Variants in MAN2C1 observed in about 807,000 individuals in gnomAD.
MAN2C1 encodes mannosidase alpha class 2C member 1.
A neutral mutation model predicts 126.9 loss-of-function variants in MAN2C1; 111 were observed. That is an observed-to-expected ratio of 0.87 (90% CI 0.75 to 1.02). The LOEUF is 1.02. Ranked by LOEUF, MAN2C1 falls within the 50% of genes least tolerant of loss-of-function variation. The pLI is 0.00. For synonymous variants in MAN2C1, 567 were observed against 561.5 expected, an observed-to-expected ratio of 1.01 and a Z score of -0.14; for missense variants, 1,363 against 1,364.4, an observed-to-expected ratio of 1.00 and a Z score of 0.02.
chr15:75,367,628 C>T lies in MAN2C1; in HGVS notation c.234G>A (p.Trp78Ter). 6.2e-7 allele frequency: 1 copy of T among 1,614,148 alleles called. No individual in the cohort carries two copies. Among genetic ancestry groups the T allele is most frequent in the South Asian group, 1.1e-5 (1 of 91,084 alleles). The change falls in exon 3 of 26, where the codon TGG (tryptophan) becomes TGA (stop). Residue 78 changes from tryptophan (W) to a stop codon, truncating the protein, a stop_gained. Coordinates refer to ENST00000267978, the MANE Select transcript of MAN2C1 (RefSeq NM_006715.4). LOFTEE classifies it high-confidence loss of function. The stretch of plus-strand genomic sequence containing the variant: ...TCAGCTCCACCCGGAACCAGCAGGT[C>T]CACCATCTGCAAGAGAGCTGTTGTG... ...QVGDSFGPTW[W>*]TCWFRVELTI...
intron 18 of MAN2C1, 90 bp from the exon 19 acceptor site, chr15:75,358,898 A>C (rs1186393669): frequency 5.1e-6 from 7 of 1,364,738 alleles, no homozygotes; most frequent in South Asian, 3.6e-5. Context: ...GAGTAGACCC[A>C]GTGGACAGGG....
rs757278357 is a variant in MAN2C1 at position 75,358,208 on chromosome 15, C to T, written c.2540G>A (p.Arg847Gln). Reference protein sequence around the residue: ...THYNTSWDWARFEVWAHRWMD... With the variant: ...THYNTSWDWAQFEVWAHRWMD... ...CACCCTGCCATGTCAGACCTCAAAT[C>T]GAGCCCAGTCCCAAGAGGTATTGTA... is the stretch of plus-strand genomic sequence containing the variant. The change falls in exon 21 of 26, where the codon CGA (arginine) becomes CAA (glutamine). Residue 847 changes from arginine (R) to glutamine (Q), a missense_variant. Physicochemically the swap from Arg to Gln is conservative, Grantham distance 43 (BLOSUM62 1). Around this residue, in one of 3 missense-constraint regions of MAN2C1, gnomAD observed 668 missense variants for 650.1 expected, o/e 1.03. Transcript: ENST00000267978. The T allele has an allele frequency of 8.1e-6, 13 of 1,614,022 alleles. No individual in the cohort carries two copies. The highest frequency in any genetic ancestry group is 1.3e-5 in the African/African-American group (1 of 74,930).
In MAN2C1 at chr15:75,366,611, A is replaced by C. The variant is rs745382920; in HGVS notation, c.352-19T>G. 1 of 1,591,326 alleles carries C rather than the reference A, an allele frequency of 6.3e-7. No individual in the cohort carries two copies. The highest frequency in any genetic ancestry group is 2.3e-5 in the East Asian group (1 of 44,338). ...TTAAACCCTAGTAGGGAGGGGAGTG[A>C]GAGAGACAAGGCTTGAGGCTTTTGG... On this transcript the variant is annotated intron_variant, in intron 3 of 25. Coordinates refer to ENST00000267978, the MANE Select transcript of MAN2C1 (RefSeq NM_006715.4).
At chr15:75,368,393 C>T in intron 1 of MAN2C1, 90 bp downstream of exon 1, 10 of 1,445,048 alleles carry the variant, frequency 6.9e-6, no homozygotes, top group Non-Finnish European at 9.4e-6. Flanking sequence ...GTCCCGCGGC[C>T]CGGGTGGCTG....
chr15:75,358,895 C>A, intron 18 of MAN2C1, 87 bp from the exon 19 acceptor site: 3 of 1,380,790 alleles, frequency 2.2e-6, no homozygotes, highest in Non-Finnish European at 3.0e-6. Context: ...AGTGAGTAGA[C>A]CCAGTGGACA....
chr15:75,358,725 A>G lies in MAN2C1; in HGVS notation c.2225T>C (p.Met742Thr), dbSNP rs1486256204. The change falls in exon 19 of 26, where the codon ATG becomes ACG. Residue 742 changes from methionine to threonine, a missense_variant. Met to Thr is a moderately conservative substitution (Grantham distance 81). This residue lies in a region of MAN2C1 where 668 missense variants were observed against 650.1 expected (regional missense o/e 1.03). Coordinates refer to ENST00000267978, the MANE Select transcript of MAN2C1 (RefSeq NM_006715.4). ...ATACCGTGTCTCCAGGTGGTAGTCC[A>G]TGACGTCCCATGCATCCCAGTACAA... ...VPLYWDAWDV[M>T]DYHLETRKPV... is the part of the protein sequence containing the mutation. 3 of 913,126 alleles carry G rather than the reference A, an allele frequency of 3.3e-6. No homozygotes were observed. The highest frequency in any genetic ancestry group is 2.6e-5 in the Admixed American group (1 of 37,766). The allele number at this position is 913,126 out of a possible 1,614,324, so 56.6% of individuals were successfully genotyped here.
At chr15:75,368,226 G>A in intron 1 of MAN2C1, 28 bp from the exon 2 acceptor site, 1 of 1,579,616 alleles carries the variant, frequency 6.3e-7, no homozygotes, top group Non-Finnish European at 8.6e-7. Context: ...GTGGGCACAT[G>A]CTGGAGGCCG....
At chr15:75,357,642 CAG>C (rs1359467127) in intron 21 of MAN2C1, 2 of 122,372 alleles carry the variant, frequency 1.6e-5, no homozygotes, top group African/African-American at 3.2e-5. Flanking sequence ...TTTTTTGAGA[CAG>C]AGTCTCGCTC....
intron 3 of MAN2C1, 151 bp from the exon 4 acceptor site, chr15:75,366,743 T>C (rs760642073): frequency 1.8e-6 from 1 of 566,876 alleles, no homozygotes; most frequent in Non-Finnish European, 3.1e-6. Context: ...TCAGGGACCC[T>C]TGGCAGTAGA....
chr15:75,366,502 A>G lies in MAN2C1; in HGVS notation c.422+20T>C, dbSNP rs1478025965. ...ACTCCCTCCCTGACAGCACTGGTCA[A>G]CCAGGGCACAGGGACTCACCTTCGG... On this transcript the variant is annotated intron_variant, in intron 4 of 25. Transcript: ENST00000267978. 4 of 1,611,064 alleles carry G rather than the reference A, an allele frequency of 2.5e-6. No homozygotes were observed. In the East Asian group the frequency reaches 6.7e-5, roughly 27 times the overall value.
Position 75,359,404 on chromosome 15 carries a change from A to G in MAN2C1, c.1970T>C (p.Met657Thr). The change falls in exon 17 of 26, where the codon ATG becomes ACG. Residue 657 changes from methionine (M) to threonine (T), a missense_variant. Coordinates refer to ENST00000267978, the MANE Select transcript of MAN2C1 (RefSeq NM_006715.4). ...GGGGGGAGGAACAGGAGCATAGCCC[A>G]TGCTGGGCACTGTCACCAGGGCTGG... is the stretch of plus-strand genomic sequence containing the variant. ...HSLALVTVPS[M>T]GYAPVPPPTS... 5 of 1,610,992 alleles carry G rather than the reference A, an allele frequency of 3.1e-6. No homozygotes were observed. In the South Asian group the frequency reaches 4.4e-5, roughly 14 times the overall value.
In MAN2C1 at chr15:75,355,912, T is replaced by C; in HGVS notation, c.3117A>G (p.Pro1039=). The change falls in exon 26 of 26, where the codon CCA becomes CCG. Residue 1039 remains proline, a synonymous_variant. Transcript: ENST00000267978. The part of the protein sequence containing the change: ...LSLLLVLQPP[P]H ...AAACCCCAGCCCCAGGGACTCAGTG[T>C]GGCGGAGGCTGAAGCACGAGCAACA... The C allele has an allele frequency of 6.2e-7, 1 of 1,614,116 alleles. No individual in the cohort carries two copies. The highest frequency in any genetic ancestry group is 8.5e-7 in the Non-Finnish European group (1 of 1,180,024).
Position 75,358,527 on chromosome 15 carries a change from TG to T in MAN2C1, c.2337del (p.Asn780ThrfsTer32). 6.2e-7 allele frequency: 1 copy of T among 1,613,444 alleles called. No homozygotes were observed. Among genetic ancestry groups the T allele is most frequent in the Non-Finnish European group, 8.5e-7 (1 of 1,180,008 alleles). On this transcript the variant is annotated frameshift_variant, in exon 20 of 26. Transcript: ENST00000267978. LOFTEE classifies it high-confidence loss of function. ...GSAWFLLQIS[P>X]NSRLSQEVVL... is the part of the protein sequence containing the mutation. Reference sequence around the variant, plus strand: ...ACAACCTCCTGGCTAAGCCGACTGTTGGGGCTGATCTGTAGCAAGAACCAGG... The same window carrying T: ...ACAACCTCCTGGCTAAGCCGACTGTTGGGCTGATCTGTAGCAAGAACCAGG...
chr15:75,360,738 C>T (rs779395375), intron 12 of MAN2C1, 50 bp from the exon 13 acceptor site: 22 of 1,597,290 alleles, frequency 1.4e-5, no homozygotes, highest in Admixed American at 1.7e-5. Context: ...CCACATGGCT[C>T]ACCCTTCTTC....
At chr15:75,366,042 G>C (rs901230039) in intron 4 of MAN2C1, 3 of 360,016 alleles carry the variant, frequency 8.3e-6, no homozygotes, top group Non-Finnish European at 1.6e-5. Flanking sequence ...AGCTGCGATC[G>C]TGCTACTGTA....
chr15:75,360,501 T>C, intron 13 of MAN2C1, 64 bp downstream of exon 13: 2 of 1,593,252 alleles, frequency 1.3e-6, no homozygotes, highest in African/African-American at 1.3e-5. Flanking sequence ...CCCTGCTGCC[T>C]TCTCTGACCC....
At position 75,361,415 on chromosome 15, in the gene MAN2C1, G is replaced by A. The variant is rs2072466708; in HGVS notation, c.1219-34C>T. 6.6e-7 allele frequency: 1 copy of A among 1,508,046 alleles called. No homozygotes were observed. 93.4% of individuals were successfully genotyped at this position (1,508,046 alleles called of 1,614,324 possible). ...AGGGAAACAGAAGCAGGGCAGAGAG[G>A]CCAGAGTCAGGGCTGAGGCAGAGCC... On this transcript the variant is annotated intron_variant, in intron 10 of 25. Transcript: ENST00000267978. This position sits in a 1 kb window ranked among gnomAD's most constrained non-coding sequence, Gnocchi z 5.0.
At chr15:75,359,507 T>C in intron 16 of MAN2C1, 82 bp from the exon 17 acceptor site, 1 of 1,558,756 alleles carries the variant, frequency 6.4e-7, no homozygotes, top group Non-Finnish European at 8.8e-7. Flanking sequence ...TGGTGGAAGA[T>C]GTGCTACTAC....
rs750746989 is a variant in MAN2C1 at position 75,361,557 on chromosome 15, C to T, written c.1218+47G>A. ...AAGGGGGAGAGGCAAATGGGCCAGG[C>T]GGGACTGAGGCCCACTCTGACCCTG... On this transcript the variant is annotated intron_variant, in intron 10 of 25. Coordinates refer to ENST00000267978, the MANE Select transcript of MAN2C1 (RefSeq NM_006715.4). The surrounding 1 kb of genome is among the most constrained non-coding windows in gnomAD (Gnocchi z 5.0). 3.4e-6 allele frequency: 5 copies of T among 1,456,936 alleles called. No individual in the cohort carries two copies. Among genetic ancestry groups the T allele is most frequent in the Middle Eastern group, 1.8e-4 (1 of 5,648 alleles). 90.3% of individuals were successfully genotyped at this position (1,456,936 alleles called of 1,614,324 possible).
Sources: gnomAD v4.1 joint callset for allele counts on GRCh38, gnomAD v4.1.1 for gene constraint, gnomAD v4.1.1 regional missense constraint, Gnocchi (gnomAD v3.1) non-coding constraint, MANE v1.5 for transcripts, NCBI Gene and HGNC (gene_info 2026-07-23, HGNC 2026-07-21) for gene names.